Variants in DPP9 observed in about 807,000 individuals in gnomAD.
DPP9 encodes the protein dipeptidyl peptidase 9.
In DPP9, 50 loss-of-function variants were observed where a neutral mutation model predicts 110.7. The observed-to-expected ratio is 0.45, with a 90% confidence interval of 0.36 to 0.57. The LOEUF is 0.57. DPP9 is among the 20% of genes least tolerant of loss of function. The pLI is 0.00. For missense variants in DPP9, 1,022 were observed against 1,217.9 expected, an observed-to-expected ratio of 0.84 and a Z score of 2.39; for synonymous variants, 561 against 514.4, an observed-to-expected ratio of 1.09 and a Z score of -1.23.
At chr19:4,697,422 C>T (rs573331045) in intron 11 of DPP9, 129 bp downstream of exon 11, 43 of 734,502 alleles carry the variant, frequency 5.9e-5, no homozygotes, top group South Asian at 4.7e-4. Context: ...CCTGTCCTGG[C>T]GGTTGCACTG....
In DPP9 at chr19:4,701,695, C is replaced by G. The variant is rs2092268675; in HGVS notation, c.1012+332G>C. Among the ~76,000 whole-genome samples, 2 of 152,264 alleles carry G rather than the reference C, an allele frequency of 1.3e-5. 1 individual carries two copies. Among genetic ancestry groups the G allele is most frequent in the South Asian group, 4.1e-4 (2 of 4,836 alleles). ...AGTTTCCTTGGCACATGGCTACGCC[C>G]ATTCCTGCACGTGCCACTTCTGTGC... is the stretch of plus-strand genomic sequence containing the variant. On this transcript the variant is annotated intron_variant, in intron 9 of 21. Coordinates refer to ENST00000262960, the MANE Select transcript of DPP9 (RefSeq NM_139159.5).
intron 10 of DPP9, 65 bp from the exon 11 acceptor site, chr19:4,697,716 C>A (rs2091918607): frequency 1.5e-6 from 2 of 1,372,612 alleles, no homozygotes; most frequent in Non-Finnish European, 2.0e-6. Flanking sequence ...GAGGAGAAGG[C>A]CACTGCGCTG....
intron 13 of DPP9, among the ~76,000 whole-genome samples, chr19:4,692,120 G>C (rs1424788615): frequency 6.6e-6 from 1 of 152,076 alleles, no homozygotes; most frequent in Non-Finnish European, 1.5e-5. Context: ...ATCCCCGGCT[G>C]GAACAAGATG....
In DPP9 at chr19:4,685,047, A is replaced by G. The variant is rs745523693; in HGVS notation, c.2032-238T>C. ...TGTCAGGCTCTTTCTCAGCTGGGCC[A>G]CTGCCCCAGTCCTGCCTGGAACAAC... On this transcript the variant is annotated intron_variant, in intron 17 of 21. Coordinates refer to ENST00000262960, the MANE Select transcript of DPP9 (RefSeq NM_139159.5). The surrounding 1 kb of genome is among the most constrained non-coding windows in gnomAD (Gnocchi z 5.8). 3.0e-6 allele frequency: 2 copies of G among 671,546 alleles called. No individual in the cohort carries two copies. The highest frequency in any genetic ancestry group is 3.0e-5 in the South Asian group (2 of 66,408). 41.6% of individuals were successfully genotyped at this position (671,546 alleles called of 1,614,324 possible).
chr19:4,679,978 A>C, intron 20 of DPP9, 32 bp from the exon 21 acceptor site: 1 of 1,544,644 alleles, frequency 6.5e-7, no homozygotes, highest in Non-Finnish European at 8.9e-7. Flanking sequence ...GTCTGAGGCC[A>C]GGGATTGTCC....
rs762064559 is a variant in DPP9, at chr19:4,693,966, C to T, written c.1516+695G>A. ...CAGAGCCGTGGTGTGGACCCCTCAC[C>T]TCCACAGCATGCTCTCCAGAGACGT... On this transcript the variant is annotated intron_variant, in intron 13 of 21. Coordinates refer to ENST00000262960, the MANE Select transcript of DPP9 (RefSeq NM_139159.5). The surrounding 1 kb of genome is among the most constrained non-coding windows in gnomAD (Gnocchi z 5.0). Among the ~76,000 whole-genome samples the T allele has an allele frequency of 6.6e-6, 1 of 152,030 alleles. No individual in the cohort carries two copies. Among genetic ancestry groups the T allele is most frequent in the African/African-American group, 2.4e-5 (1 of 41,418 alleles).
In DPP9 at chr19:4,694,333, G is replaced by A. The variant is rs1382558627; in HGVS notation, c.1516+328C>T. The A allele has an allele frequency of 6.3e-6, 3 of 479,050 alleles. No homozygotes were observed. Among genetic ancestry groups the A allele is most frequent in the Non-Finnish European group, 1.1e-5 (3 of 270,710 alleles). 29.7% of individuals were successfully genotyped at this position (479,050 alleles called of 1,614,324 possible). A position where few individuals can be genotyped will look rare whatever the true frequency, so the allele number is the denominator to read the frequency against. ...CAGTCTCTGTAAACAAGTGGCTGTG[G>A]CTCAGTGCCAATAAAACTTTATTTA... On this transcript the variant is annotated intron_variant, in intron 13 of 21. Transcript: ENST00000262960. This position sits in a 1 kb window ranked among gnomAD's most constrained non-coding sequence, Gnocchi z 4.0.
chr19:4,706,121 T>G (rs957601128), intron 4 of DPP9, among the ~76,000 whole-genome samples, 151 bp from the exon 5 acceptor site: 3 of 151,980 alleles, frequency 2.0e-5, no homozygotes, highest in Non-Finnish European at 4.4e-5. Flanking sequence ...AAGCTATGGA[T>G]CCTGGGTTTG....
intron 1 of DPP9, among the ~76,000 whole-genome samples, chr19:4,723,182 G>A (rs777930125): frequency 6.6e-6 from 1 of 152,228 alleles, no homozygotes; most frequent in Non-Finnish European, 1.5e-5. Context: ...CAAGCCTCGG[G>A]GCGAAGGTTG....
chr19:4,722,810 T>C (rs1003525673), intron 1 of DPP9: 46 of 424,658 alleles, frequency 1.1e-4, no homozygotes, highest in African/African-American at 9.3e-4. Flanking sequence ...CCCCCTGGGC[T>C]TTAGTCCCAG....
At chr19:4,721,931 C>T (rs1568339225) in intron 2 of DPP9, among the ~76,000 whole-genome samples, 1 of 152,132 alleles carries the variant, frequency 6.6e-6, no homozygotes, top group African/African-American at 2.4e-5. Flanking sequence ...GGTTCAAATC[C>T]TGACTCTGCC....
At chr19:4,688,913 T>C (rs905270304) in intron 15 of DPP9, 21 bp from the exon 16 acceptor site, 1 of 1,510,698 alleles carries the variant, frequency 6.6e-7, no homozygotes, top group Non-Finnish European at 8.7e-7. Context: ...AATGGGGTGA[T>C]GAGCTCCACG....
chr19:4,688,795 T>C lies in DPP9; in HGVS notation c.1847A>G (p.Lys616Arg), dbSNP rs540027595. 3.4e-6 allele frequency: 5 copies of C among 1,475,960 alleles called. No homozygotes were observed. In the East Asian group the frequency reaches 8.2e-5, roughly 24 times the overall value. The allele number at this position is 1,475,960 out of a possible 1,614,324, so 91.4% of individuals were successfully genotyped here. A position where few individuals can be genotyped will look rare whatever the true frequency, so the allele number is the denominator to read the frequency against. ...LSGPDDDPLH[K>R]QPRFWASMME... ...CATGCTAGCCCAGAAGCGGGGCTGC[T>C]TGTGCAGGGGGTCGTCGTCGGGGCC... is the stretch of plus-strand genomic sequence containing the variant. The change falls in exon 16 of 22, where the codon AAG (lysine) becomes AGG (arginine). Residue 616 changes from lysine to arginine, a missense_variant. Coordinates refer to ENST00000262960, the MANE Select transcript of DPP9 (RefSeq NM_139159.5).
chr19:4,681,516 C>T lies in DPP9; in HGVS notation c.2474+1180G>A, dbSNP rs141100087. Among the ~76,000 whole-genome samples, 13 of 151,954 alleles carry T rather than the reference C, an allele frequency of 8.6e-5. No individual in the cohort carries two copies. The East Asian group carries it at 2.3e-3, about 27-fold the overall frequency. The stretch of plus-strand genomic sequence containing the variant: ...ATTTTTAGTAGACATGGGGTTTCAC[C>T]GTGTTGGCTAGGCTGGTCTTGAACT... On this transcript the variant is annotated intron_variant, in intron 20 of 21. Coordinates refer to ENST00000262960, the MANE Select transcript of DPP9 (RefSeq NM_139159.5).
chr19:4,717,043 G>C (rs1277240564), intron 3 of DPP9, among the ~76,000 whole-genome samples: 1 of 152,132 alleles, frequency 6.6e-6, no homozygotes, highest in Non-Finnish European at 1.5e-5. Context: ...TGAGTATCAC[G>C]GCTGTGGGCT....
Position 4,676,927 on chromosome 19 carries a change from GGAAA to G in DPP9, c.2587-275_2587-272del, listed in dbSNP as rs1173539933. ...TGCGGTGTGCACGCGCTTGCACAGA[GGAAA>G]GATTTAGGAAGAAACCGTTTGCCTC... On this transcript the variant is annotated intron_variant, in intron 21 of 21. Coordinates refer to ENST00000262960, the MANE Select transcript of DPP9 (RefSeq NM_139159.5). The surrounding 1 kb of genome is among the most constrained non-coding windows in gnomAD (Gnocchi z 4.0). Among the ~76,000 whole-genome samples, 1 of 152,174 alleles carries G rather than the reference GGAAA, an allele frequency of 6.6e-6. No homozygotes were observed. The highest frequency in any genetic ancestry group is 1.5e-5 in the Non-Finnish European group (1 of 68,040).
chr19:4,682,731 AC>A lies in DPP9; in HGVS notation c.2438del (p.Gly813ValfsTer40). On this transcript the variant is annotated frameshift_variant, in exon 20 of 22. Transcript: ENST00000262960. LOFTEE classifies it high-confidence loss of function. This position sits in a 1 kb window ranked among gnomAD's most constrained non-coding sequence, Gnocchi z 7.1. ...GCTTCTCCACGTGCAGGGCCACGGA[AC>A]CCGCCTCATAGCCGTGCTGGTTGTT... The part of the protein sequence containing the change: ...PENNQHGYEA[G>X]SVALHVEKLP... 1 of 1,609,028 alleles carries A rather than the reference AC, an allele frequency of 6.2e-7. No homozygotes were observed. The highest frequency in any genetic ancestry group is 8.5e-7 in the Non-Finnish European group (1 of 1,178,010).
rs770361748 is a variant in DPP9, at chr19:4,702,079, G to T, written c.960C>A (p.Pro320=). 5 of 1,613,856 alleles carry T rather than the reference G, an allele frequency of 3.1e-6. No individual in the cohort carries two copies. In the African/African-American group the frequency reaches 6.7e-5, roughly 22 times the overall value. Residue 320 remains proline, a synonymous_variant, in exon 9 of 22, where the codon CCC becomes CCA. Coordinates refer to ENST00000262960, the MANE Select transcript of DPP9 (RefSeq NM_139159.5). ...TCTTCCTTTCTTCTAGCGCAGGAGA[G>T]GGGACGTGAATGACCTCCACCTCGG... The part of the protein sequence containing the change: ...DESEVEVIHV[P]SPALEERKTD...
intron 19 of DPP9, chr19:4,683,088 A>G: frequency 6.7e-7 from 1 of 1,486,306 alleles, no homozygotes; most frequent in Non-Finnish European, 8.9e-7. Flanking sequence ...GCCGGGTCCC[A>G]CTGCCCGTCT....
Sources: allele counts gnomAD v4.1 joint callset (sites outside exome capture counted in the v4.1 genomes callset), GRCh38; gene constraint gnomAD v4.1.1; non-coding constraint Gnocchi (gnomAD v3.1); transcripts MANE v1.5; gene names NCBI Gene and HGNC (gene_info 2026-07-23, HGNC 2026-07-21).